LRP1B: variants seen among roughly 807,000 people sequenced by gnomAD.
LRP1B encodes the protein LDL receptor related protein 1B.
LRP1B carries 217 observed loss-of-function variants against 556.6 expected under a neutral mutation model. That is an observed-to-expected ratio of 0.39 (90% CI 0.35 to 0.44). The LOEUF (loss-of-function observed/expected upper bound fraction) is 0.44, where lower values mean the gene tolerates loss of function less well. Among genes scored for constraint, LRP1B ranks in the 20% least tolerant of loss-of-function variants. LRP1B has a pLI of 1.00. For missense variants in LRP1B, 5,053 were observed against 5,620.8 expected, an observed-to-expected ratio of 0.90 and a Z score of 3.23; for synonymous variants, 2,047 against 1,865.8, an observed-to-expected ratio of 1.10 and a Z score of -2.50.
intron 6 of LRP1B, among the ~76,000 whole-genome samples, chr2:141,204,776 A>C (rs2105234422): frequency 6.6e-6 from 1 of 152,180 alleles, no homozygotes; most frequent in African/African-American, 2.4e-5. Context: ...GTCTCTACTA[A>C]AAATACAAAA....
At chr2:140,483,346 C>T (rs914327852) in intron 59 of LRP1B, among the ~76,000 whole-genome samples, 7 of 151,556 alleles carry the variant, frequency 4.6e-5, no homozygotes, top group Non-Finnish European at 7.4e-5. Flanking sequence ...ATAACTGTAA[C>T]CTGGGAGAAA....
At chr2:141,038,445 A>C (rs1023319410) in intron 11 of LRP1B, among the ~76,000 whole-genome samples, 3 of 152,128 alleles carry the variant, frequency 2.0e-5, no homozygotes, top group African/African-American at 7.2e-5. Context: ...GTGGAGTAAG[A>C]AAGATTACTG....
intron 77 of LRP1B, among the ~76,000 whole-genome samples, chr2:140,339,447 T>C (rs997621047): frequency 3.3e-5 from 5 of 151,328 alleles, no homozygotes; most frequent in African/African-American, 9.7e-5. Flanking sequence ...ATATCACATA[T>C]TTATTTGTGA....
intron 17 of LRP1B, 91 bp from the exon 18 acceptor site, chr2:140,982,367 T>C: frequency 1.3e-6 from 1 of 747,026 alleles, no homozygotes; most frequent in Admixed American, 2.2e-5. Context: ...CTTTCATACA[T>C]AAGATAGTAT....
intron 3 of LRP1B, among the ~76,000 whole-genome samples, chr2:141,355,173 A>C (rs1688581212): frequency 6.6e-6 from 1 of 152,118 alleles, no homozygotes; most frequent in Admixed American, 6.5e-5. Flanking sequence ...ACAGAAAAAA[A>C]ATCAGTTTTG....
chr2:141,098,075 T>C (rs1700364917), intron 7 of LRP1B, among the ~76,000 whole-genome samples: 1 of 152,200 alleles, frequency 6.6e-6, no homozygotes, highest in African/African-American at 2.4e-5. Flanking sequence ...TGCTTCACAC[T>C]TCATATGATT....
chr2:141,015,574 A>C, intron 13 of LRP1B, 122 bp downstream of exon 13: 1 of 767,084 alleles, frequency 1.3e-6, no homozygotes, highest in Non-Finnish European at 2.1e-6. Flanking sequence ...CACCCCATGG[A>C]GACTATTGGC....
intron 41 of LRP1B, among the ~76,000 whole-genome samples, chr2:140,651,673 C>T (rs1382583151): frequency 2.6e-5 from 4 of 151,840 alleles, no homozygotes; most frequent in Non-Finnish European, 5.9e-5. Context: ...GTCATCGAAC[C>T]AGATTTTAGG....
At chr2:141,761,189 T>C (rs954045664) in intron 2 of LRP1B, among the ~76,000 whole-genome samples, 3 of 152,186 alleles carry the variant, frequency 2.0e-5, no homozygotes, top group African/African-American at 4.8e-5. Flanking sequence ...TGCTTATCTA[T>C]TATCAGTTGA....
chr2:141,108,417 C>T (rs1490006342), intron 7 of LRP1B, among the ~76,000 whole-genome samples: 4 of 129,074 alleles, frequency 3.1e-5, no homozygotes, highest in African/African-American at 1.2e-4. Flanking sequence ...GGCACAATCT[C>T]GGCTCACTGC....
chr2:141,603,433 T>A (rs188941465), intron 2 of LRP1B, among the ~76,000 whole-genome samples: 156 of 152,296 alleles, frequency 1.0e-3, no homozygotes, highest in African/African-American at 3.6e-3. Context: ...TGGAGATTTA[T>A]GTTCTTGGGG....
At chr2:141,920,304 T>C (rs891019006) in intron 1 of LRP1B, among the ~76,000 whole-genome samples, 9 of 151,314 alleles carry the variant, frequency 5.9e-5, no homozygotes, top group African/African-American at 2.2e-4. Flanking sequence ...GGGATAATCA[T>C]TTATTTCAAA....
intron 84 of LRP1B, among the ~76,000 whole-genome samples, chr2:140,279,278 G>C (rs1038880550): frequency 6.6e-6 from 1 of 151,922 alleles, no homozygotes; most frequent in Non-Finnish European, 1.5e-5. Flanking sequence ...AGTGTCCTCT[G>C]TTATTTCAAG....
At chr2:141,192,346 T>A (rs1484734583) in intron 6 of LRP1B, among the ~76,000 whole-genome samples, 1 of 152,048 alleles carries the variant, frequency 6.6e-6, no homozygotes, top group African/African-American at 2.4e-5. Flanking sequence ...CTAAATTATA[T>A]ACCTGTCTTC....
intron 33 of LRP1B, among the ~76,000 whole-genome samples, chr2:140,775,509 A>C (rs2104948884): frequency 7.6e-6 from 1 of 131,324 alleles, no homozygotes; most frequent in South Asian, 2.5e-4. Context: ...AATTGTGCTA[A>C]TGTCATGGAT....
At chr2:141,401,681 A>T (rs2104925977) in intron 3 of LRP1B, among the ~76,000 whole-genome samples, 1 of 152,304 alleles carries the variant, frequency 6.6e-6, no homozygotes, top group East Asian at 1.9e-4. Context: ...GATTTCTAAA[A>T]TGTGTATTTG....
In LRP1B at chr2:140,840,995, C is replaced by T. The variant is rs776750771; in HGVS notation, c.5037G>A (p.Arg1679=). The T allele has an allele frequency of 3.7e-6, 6 of 1,613,508 alleles. No homozygotes were observed. In the Admixed American group the frequency reaches 5.0e-5, roughly 13 times the overall value. Residue 1679 remains arginine (R), a synonymous_variant, in exon 30 of 91, where the codon AGG becomes AGA. Coordinates refer to ENST00000389484, the MANE Select transcript of LRP1B (RefSeq NM_018557.3). ...TTGAGGTTTTCAAAGAGCCATCTAG[C>T]CTTGCCACATTAATTTGCGTTTCAT... ...EFDETQINVA[R]LDGSLKTSII... is the part of the protein sequence containing the mutation.
intron 1 of LRP1B, among the ~76,000 whole-genome samples, chr2:141,826,188 T>A: frequency 6.6e-6 from 1 of 151,812 alleles, no homozygotes; most frequent in Middle Eastern, 3.5e-3. Flanking sequence ...ATAGAAAAAA[T>A]ATATATAAAT....
At chr2:141,031,388 A>G (rs938092375) in intron 11 of LRP1B, among the ~76,000 whole-genome samples, 1 of 151,884 alleles carries the variant, frequency 6.6e-6, no homozygotes, top group African/African-American at 2.4e-5. Context: ...ATATTCTATT[A>G]TATTAATGAT....
Sources: gnomAD v4.1 joint callset for allele counts (sites outside exome capture counted in the v4.1 genomes callset) on GRCh38, gnomAD v4.1.1 for gene constraint, MANE v1.5 for transcripts, NCBI Gene and HGNC (gene_info 2026-07-23, HGNC 2026-07-21) for gene names.